The following KATNAL2 variants were observed in gnomAD, a reference collection of about 807,000 sequenced individuals.
KATNAL2 encodes the protein katanin catalytic subunit A1 like 2, also known as katanin p60 ATPase-containing subunit A-like 2.
A neutral mutation model predicts 76.3 loss-of-function variants in KATNAL2; 52 were observed. The ratio of observed to expected loss-of-function variants is 0.68; its 90% CI spans 0.55 to 0.86. KATNAL2 has a LOEUF of 0.86. KATNAL2 is among the 40% of genes least tolerant of loss of function. The probability of loss-of-function intolerance (pLI) is 0.00; values close to 1 mark genes in which losing one functional copy is unlikely to be tolerated. For missense variants in KATNAL2, 660 were observed against 668.9 expected (o/e 0.99, Z 0.15); for synonymous variants, 243 against 244.2 (o/e 1.00, Z 0.05).
At chr18:46,942,074 A>AGTAGGTAATCGGAATGAGTCAG (rs2059262000) in intron 1 of KATNAL2, among the ~76,000 whole-genome samples, 1 of 151,960 alleles carries the variant, frequency 6.6e-6, no homozygotes, top group South Asian at 2.1e-4. Flanking sequence ...GAATGAGTCA[A>AGTAGGTAATCGGAATGAGTCAG]GGTGGAGTAG....
Position 47,034,534 on chromosome 18 carries a change from T to C in KATNAL2, c.52-11923T>C. ...TTTCTCCCTGATCAAAGTAGGGGAGTGCCAATCTCCCTGGGCACACAAGGG... is the reference window on the plus strand; with the variant it reads ...TTTCTCCCTGATCAAAGTAGGGGAGCGCCAATCTCCCTGGGCACACAAGGG... On this transcript the variant is annotated intron_variant, in intron 3 of 17. Coordinates refer to ENST00000683218, the MANE Select transcript of KATNAL2 (RefSeq NM_001387690.1). 1.2e-6 allele frequency: 2 copies of C among 1,614,136 alleles called. No homozygotes were observed. The highest frequency in any genetic ancestry group is 1.6e-4 in the Middle Eastern group (1 of 6,062).
intron 1 of KATNAL2, among the ~76,000 whole-genome samples, chr18:46,919,002 T>A (rs1314669884): frequency 6.1e-5 from 9 of 146,396 alleles, no homozygotes; most frequent in Admixed American, 6.0e-4. Context: ...CGTGTATATA[T>A]ATATATGTGT....
At chr18:46,948,690 A>G (rs1245106927) in intron 3 of KATNAL2, among the ~76,000 whole-genome samples, 1 of 151,758 alleles carries the variant, frequency 6.6e-6, no homozygotes, top group African/African-American at 2.4e-5. Flanking sequence ...GGCCTCCCAA[A>G]GTGCTGGGAT....
At position 47,102,148 on chromosome 18, in the gene KATNAL2, A is replaced by C. The variant is rs2063448493; in HGVS notation, c.*1143A>C. On this transcript the variant is annotated 3_prime_UTR_variant, in exon 18 of 18. Coordinates refer to ENST00000683218, the MANE Select transcript of KATNAL2 (RefSeq NM_001387690.1). ...TTTCGGTATCGATTATTTTGAGATTATTCTCAAATGCCTCTTTAAACATCA... is the reference window on the plus strand; with the variant it reads ...TTTCGGTATCGATTATTTTGAGATTCTTCTCAAATGCCTCTTTAAACATCA... 6.6e-6 allele frequency: 1 copy of C among 152,242 alleles called. No individual in the cohort carries two copies. Among genetic ancestry groups the C allele is most frequent in the South Asian group, 2.1e-4 (1 of 4,834 alleles). 9.4% of individuals were successfully genotyped at this position (152,242 alleles called of 1,614,324 possible).
At chr18:47,064,128 T>C (rs1005029905) in intron 10 of KATNAL2, among the ~76,000 whole-genome samples, 1 of 152,084 alleles carries the variant, frequency 6.6e-6, no homozygotes, top group Non-Finnish European at 1.5e-5. Context: ...TGTATGCCTC[T>C]TGTGTGTCAG....
At chr18:47,099,453 T>C (rs1337470304) in intron 16 of KATNAL2, 48 bp downstream of exon 16, 1 of 1,529,984 alleles carries the variant, frequency 6.5e-7, no homozygotes, top group East Asian at 2.3e-5. Context: ...GCCCACCATA[T>C]GGCCATCTTG....
At chr18:46,942,833 T>G (rs1435645779) in intron 1 of KATNAL2, among the ~76,000 whole-genome samples, 1 of 152,158 alleles carries the variant, frequency 6.6e-6, no homozygotes, top group East Asian at 1.9e-4. Context: ...TGTAATTTTT[T>G]TTTTTTGCAT....
intron 8 of KATNAL2, among the ~76,000 whole-genome samples, chr18:47,061,162 A>G (rs936800009): frequency 2.0e-5 from 3 of 152,224 alleles, no homozygotes; most frequent in South Asian, 4.1e-4. Context: ...TGTCATTTCT[A>G]TGTTAGTACC....
At chr18:47,081,557 TG>T (rs2062522700) in intron 15 of KATNAL2, among the ~76,000 whole-genome samples, 1 of 152,236 alleles carries the variant, frequency 6.6e-6, no homozygotes, top group Non-Finnish European at 1.5e-5. Context: ...CACATGTGGC[TG>T]GTGCTACCAT....
At chr18:47,065,925 A>G (rs1487250799) in intron 10 of KATNAL2, among the ~76,000 whole-genome samples, 2 of 151,998 alleles carry the variant, frequency 1.3e-5, no homozygotes, top group Non-Finnish European at 2.9e-5. Context: ...TGATCATGCC[A>G]CTGCCCTCCA....
intron 3 of KATNAL2, among the ~76,000 whole-genome samples, chr18:47,044,608 G>A (rs531131983): frequency 6.6e-6 from 1 of 151,776 alleles, no homozygotes; most frequent in African/African-American, 2.4e-5. Flanking sequence ...ATAAAGTACA[G>A]AAATTAGCCG....
chr18:47,059,323 C>A (rs1235190227), intron 7 of KATNAL2, among the ~76,000 whole-genome samples: 1 of 152,234 alleles, frequency 6.6e-6, no homozygotes. Context: ...CTGCTTGGGG[C>A]CCATGGGGCC....
chr18:47,099,809 C>CATTA (rs1433643787), intron 16 of KATNAL2, among the ~76,000 whole-genome samples: 1 of 152,156 alleles, frequency 6.6e-6, no homozygotes, highest in Non-Finnish European at 1.5e-5. Context: ...CTATTATGCC[C>CATTA]ATTATCACTG....
At chr18:47,073,273 T>A (rs2062070470) in intron 13 of KATNAL2, among the ~76,000 whole-genome samples, 1 of 152,224 alleles carries the variant, frequency 6.6e-6, no homozygotes, top group Non-Finnish European at 1.5e-5. Flanking sequence ...GAATATGTAT[T>A]TCTTTGATTC....
intron 3 of KATNAL2, among the ~76,000 whole-genome samples, chr18:47,038,442 CTG>C (rs2060853283): frequency 6.6e-6 from 1 of 152,172 alleles, no homozygotes. Context: ...AGAAAATAAA[CTG>C]TATTTTTCTG....
intron 15 of KATNAL2, among the ~76,000 whole-genome samples, chr18:47,092,064 C>T (rs2063023649): frequency 6.6e-6 from 1 of 150,930 alleles, no homozygotes; most frequent in Non-Finnish European, 1.5e-5. Flanking sequence ...ATATTACTGC[C>T]TTTAATTACA....
At chr18:46,946,745 G>C in intron 2 of KATNAL2, 109 bp from the exon 3 acceptor site, 2 of 1,125,930 alleles carry the variant, frequency 1.8e-6, no homozygotes, top group Non-Finnish European at 2.5e-6. Flanking sequence ...AGCGATTGGC[G>C]GGCGTGTCTG....
chr18:47,031,428 T>C (rs767143010), intron 3 of KATNAL2, among the ~76,000 whole-genome samples: 1 of 152,038 alleles, frequency 6.6e-6, no homozygotes, highest in Non-Finnish European at 1.5e-5. Flanking sequence ...TCTTTCTTTT[T>C]GTGTGTGTTG....
At chr18:47,089,039 G>A (rs186116079) in intron 15 of KATNAL2, among the ~76,000 whole-genome samples, 1 of 152,318 alleles carries the variant, frequency 6.6e-6, no homozygotes, top group African/African-American at 2.4e-5. Flanking sequence ...CAGCAATACT[G>A]AGTCTTTATG....
Sources: gnomAD v4.1 joint callset for allele counts (sites outside exome capture counted in the v4.1 genomes callset) on GRCh38, gnomAD v4.1.1 for gene constraint, MANE v1.5 for transcripts, NCBI Gene and HGNC (gene_info 2026-07-23, HGNC 2026-07-21) for gene names.